Variants in POLE observed in about 807,000 individuals in gnomAD.
POLE encodes DNA polymerase epsilon, catalytic subunit.
POLE carries 188 observed loss-of-function variants against 279.2 expected under a neutral mutation model. The observed-to-expected ratio is 0.67, with a 90% confidence interval of 0.60 to 0.76. POLE has a LOEUF of 0.76. POLE is among the 30% of genes least tolerant of loss of function. POLE has a pLI of 0.00. For synonymous variants in POLE, 1,214 were observed against 1,172.5 expected, an observed-to-expected ratio of 1.04 and a Z score of -0.72; for missense variants, 2,703 against 3,016.7, an observed-to-expected ratio of 0.90 and a Z score of 2.44.
Position 132,675,820 on chromosome 12 carries a change from C to A in POLE, c.1021G>T (p.Ala341Ser), listed in dbSNP as rs137860861. Residue 341 changes from alanine to serine, a missense_variant and splice_region_variant, in exon 11 of 49, where the codon GCT (alanine) becomes TCT (serine). By Grantham distance (99) the Ala-to-Ser change is moderately conservative. Coordinates refer to ENST00000320574, the MANE Select transcript of POLE (RefSeq NM_006231.4). This position sits in a 1 kb window ranked among gnomAD's most constrained non-coding sequence, Gnocchi z 4.3. The part of the protein sequence containing the change: ...PFCVFNEPDE[A>S]HLIQRWFEHV... ...TCAAACCACCTTTGGATCAGATGAG[C>A]CTGAACCCAAGTCACAGCAGTCAGA... 4.8e-5 allele frequency: 77 copies of A among 1,612,600 alleles called. No homozygotes were observed. The African/African-American group carries it at 8.3e-4, about 17-fold the overall frequency.
intron 12 of POLE, 78 bp from the exon 13 acceptor site, chr12:132,673,785 G>A: frequency 1.9e-6 from 3 of 1,553,536 alleles, no homozygotes; most frequent in Non-Finnish European, 2.6e-6. Flanking sequence ...GCAAAACTGG[G>A]CACCACACAG....
intron 12 of POLE, among the ~76,000 whole-genome samples, chr12:132,674,212 A>T (rs946112149): frequency 1.3e-5 from 2 of 151,370 alleles, no homozygotes; most frequent in Non-Finnish European, 2.9e-5. Context: ...GGCCCCCCAC[A>T]CTCTACCCGG....
At chr12:132,633,903 A>G in intron 43 of POLE, 2 of 351,428 alleles carry the variant, frequency 5.7e-6, no homozygotes, top group Non-Finnish European at 1.0e-5. Flanking sequence ...GAGCAGAGCT[A>G]GGAAACTCCT....
In POLE at chr12:132,643,690, C is replaced by T; in HGVS notation, c.4291-130G>A. The T allele has an allele frequency of 4.1e-6, 6 of 1,464,862 alleles. No individual in the cohort carries two copies. The South Asian group carries it at 5.0e-5, about 12-fold the overall frequency. The allele number at this position is 1,464,862 out of a possible 1,614,324, so 90.7% of individuals were successfully genotyped here. A position where few individuals can be genotyped will look rare whatever the true frequency, so the allele number is the denominator to read the frequency against. On this transcript the variant is annotated intron_variant, in intron 33 of 48. Transcript: ENST00000320574. ...CCCACTGCCCAAAGGCCACTTTTGG[C>T]AGACACACTGCTGACATTCACCTCA...
At chr12:132,669,827 CCAACAGG>C (rs2042884779) in intron 16 of POLE, among the ~76,000 whole-genome samples, 1 of 152,202 alleles carries the variant, frequency 6.6e-6, no homozygotes, top group Non-Finnish European at 1.5e-5. Flanking sequence ...CACCCTCCGC[CCAACAGG>C]TGACCCTTCA....
At chr12:132,630,150 T>C (rs2041909238) in intron 45 of POLE, among the ~76,000 whole-genome samples, 1 of 152,134 alleles carries the variant, frequency 6.6e-6, no homozygotes, top group South Asian at 2.1e-4. Flanking sequence ...ACGGCTGATA[T>C]AATAATAGTG....
intron 39 of POLE, chr12:132,641,206 T>G (rs2138520136): frequency 2.6e-6 from 1 of 387,744 alleles, no homozygotes. Context: ...TGGTGGGTAA[T>G]GCGAGTAGCT....
rs757232557 is a variant in POLE, at chr12:132,643,283, C to T, written c.4492G>A (p.Ala1498Thr). The T allele has an allele frequency of 4.3e-6, 7 of 1,613,938 alleles. No homozygotes were observed. In the South Asian group the frequency reaches 7.7e-5, roughly 18 times the overall value. ...YLYHHAQAHKALFGIFIPSQR... is the reference protein window; with the variant it reads ...YLYHHAQAHKTLFGIFIPSQR... ...GAGGGGATGAAGATCCCGAAGAGCG[C>T]TTTGTGGGCCTGTGCGTGGTGGTAC... Residue 1498 changes from alanine to threonine, a missense_variant, in exon 35 of 49, where the codon GCG becomes ACG. Coordinates refer to ENST00000320574, the MANE Select transcript of POLE (RefSeq NM_006231.4).
Position 132,672,780 on chromosome 12 carries a change from G to T in POLE, c.1533C>A (p.His511Gln), listed in dbSNP as rs545378475. Residue 511 changes from histidine to glutamine, a missense_variant, in exon 15 of 49, where the codon CAC becomes CAA. Around this residue, in one of 5 missense-constraint regions of POLE, gnomAD observed 1,011 missense variants for 1,111.7 expected, o/e 0.91. Coordinates refer to ENST00000320574, the MANE Select transcript of POLE (RefSeq NM_006231.4). ...CEALLMVQAF[H>Q]ANIIFPNKQE... ...GCTTGTTGGGGAAGATGATGTTGGC[G>T]TGGAAGGCCTGCACCATCAGCAAGG... 6.2e-7 allele frequency: 1 copy of T among 1,614,176 alleles called. No homozygotes were observed. Among genetic ancestry groups the T allele is most frequent in the Non-Finnish European group, 8.5e-7 (1 of 1,180,030 alleles).
chr12:132,683,152 C>T (rs1035055816), intron 1 of POLE, among the ~76,000 whole-genome samples: 12 of 152,166 alleles, frequency 7.9e-5, no homozygotes, highest in South Asian at 6.2e-4. Context: ...GACCCACATC[C>T]TAATCCCCCA....
At position 132,677,344 on chromosome 12, in the gene POLE, TA is replaced by T. The variant is rs780928647; in HGVS notation, c.801+18del. The stretch of plus-strand genomic sequence containing the variant: ...AAAACTGGAAATTTTAGGATGAAGG[TA>T]ACACAAGCAAAACTTACAGGTCGTT... On this transcript the variant is annotated intron_variant, in intron 8 of 48. Transcript: ENST00000320574. The T allele has an allele frequency of 8.3e-5, 132 of 1,597,800 alleles. No homozygotes were observed. The highest frequency in any genetic ancestry group is 1.1e-4 in the Non-Finnish European group (123 of 1,165,222).
Position 132,677,353 on chromosome 12 carries a change from CA to C in POLE, c.801+9del. The C allele has an allele frequency of 6.2e-7, 1 of 1,610,688 alleles. No individual in the cohort carries two copies. The highest frequency in any genetic ancestry group is 8.5e-7 in the Non-Finnish European group (1 of 1,176,874). ...AATTTTAGGATGAAGGTAACACAAG[CA>C]AAACTTACAGGTCGTTCAACAAGGT... is the stretch of plus-strand genomic sequence containing the variant. On this transcript the variant is annotated intron_variant, in intron 8 of 48. Transcript: ENST00000320574.
intron 6 of POLE, 98 bp from the exon 7 acceptor site, chr12:132,677,817 A>C (rs2136022518): frequency 9.0e-7 from 1 of 1,109,024 alleles, no homozygotes; most frequent in Non-Finnish European, 1.3e-6. Flanking sequence ...ACCAGAGTTC[A>C]AACCGAGGAA....
Position 132,676,088 on chromosome 12 carries a change from C to T in POLE, c.1020+6G>A, listed in dbSNP as rs763623547. ...CCGGGTAGTTTCCCAAGTGATACCT[C>T]CTTACCTCATCGGGTTCATTGAAGA... On this transcript the variant is annotated splice_donor_region_variant and intron_variant, in intron 10 of 48. Transcript: ENST00000320574. The T allele has an allele frequency of 1.4e-5, 22 of 1,584,060 alleles. No homozygotes were observed. In the South Asian group the frequency reaches 2.5e-4, roughly 18 times the overall value.
At position 132,639,763 on chromosome 12, in the gene POLE, C is replaced by G. The variant is rs2042104267; in HGVS notation, c.5379-465G>C. 6.6e-6 allele frequency among the ~76,000 whole-genome samples: 1 copy of G among 152,148 alleles called. No homozygotes were observed. The highest frequency in any genetic ancestry group is 3.2e-3 in the Middle Eastern group (1 of 316). On this transcript the variant is annotated intron_variant, in intron 39 of 48. Coordinates refer to ENST00000320574, the MANE Select transcript of POLE (RefSeq NM_006231.4). The surrounding 1 kb of genome is among the most constrained non-coding windows in gnomAD (Gnocchi z 4.7). ...GGTCAAGAGTTTGAGACCAACCTGG[C>G]CAACATGGTGAAACCCCGTCTCTAT...
At position 132,667,186 on chromosome 12, in the gene POLE, C is replaced by G. The variant is rs150235770; in HGVS notation, c.2319+317G>C. Among the ~76,000 whole-genome samples the G allele has an allele frequency of 5.9e-5, 9 of 152,274 alleles. No homozygotes were observed. The East Asian group carries it at 1.7e-3, about 29-fold the overall frequency. ...CCCATGACAGCGGGAAAGAGATAAA[C>G]AATAGGCGAAGGCAGTTGGGTTCGT... On this transcript the variant is annotated intron_variant, in intron 20 of 48. Transcript: ENST00000320574.
chr12:132,658,469 A>G (rs1465901130), intron 26 of POLE: 1 of 156,588 alleles, frequency 6.4e-6, no homozygotes, highest in Non-Finnish European at 1.4e-5. Flanking sequence ...TGCGTTTCTG[A>G]GTAACCACGT....
rs759098283 is a variant in POLE, at chr12:132,676,217, A to G, written c.910-13T>C. On this transcript the variant is annotated splice_polypyrimidine_tract_variant and intron_variant, in intron 9 of 48. Transcript: ENST00000320574. ...TGATGAGGTAGCCCTAGCCAAGTTC[A>G]TTAGCAATCAGCACAAGTCAGAGGC... is the stretch of plus-strand genomic sequence containing the variant. The G allele has an allele frequency of 2.8e-5, 44 of 1,561,708 alleles. No homozygotes were observed. Among genetic ancestry groups the G allele is most frequent in the Non-Finnish European group, 3.8e-5 (43 of 1,133,792 alleles).
intron 45 of POLE, among the ~76,000 whole-genome samples, chr12:132,631,212 T>C (rs2041927288): frequency 6.6e-6 from 1 of 152,016 alleles, no homozygotes; most frequent in Non-Finnish European, 1.5e-5. Context: ...CTGCACAATG[T>C]CTCTACTTAT....
Sources: gnomAD v4.1 joint callset for allele counts (sites outside exome capture counted in the v4.1 genomes callset) on GRCh38, gnomAD v4.1.1 for gene constraint, gnomAD v4.1.1 regional missense constraint, Gnocchi (gnomAD v3.1) non-coding constraint, MANE v1.5 for transcripts, NCBI Gene and HGNC (gene_info 2026-07-23, HGNC 2026-07-21) for gene names.